The following PTPRD variants were observed in gnomAD, a reference collection of about 807,000 sequenced individuals.
The protein encoded by PTPRD is protein tyrosine phosphatase receptor type D.
In PTPRD, 34 loss-of-function variants were observed where a neutral mutation model predicts 214.5. That is an observed-to-expected ratio of 0.16 (90% CI 0.12 to 0.21). The LOEUF is 0.21. PTPRD is among the 10% of genes least tolerant of loss of function. The pLI, the probability that PTPRD is intolerant of heterozygous loss-of-function variation, is 1.00. For missense variants in PTPRD, 2,545 were observed against 2,398.7 expected (o/e 1.06, Z -1.27); for synonymous variants, 1,128 against 845.7 (o/e 1.33, Z -5.79).
intron 12 of PTPRD, among the ~76,000 whole-genome samples, chr9:8,686,255 T>C (rs2097678782): frequency 6.6e-6 from 1 of 152,192 alleles, no homozygotes; most frequent in Non-Finnish European, 1.5e-5. Context: ...GACCAATTAA[T>C]TTGGAGGCAA....
intron 3 of PTPRD, among the ~76,000 whole-genome samples, chr9:10,330,606 A>G (rs1455880326): frequency 6.6e-6 from 1 of 151,742 alleles, no homozygotes; most frequent in East Asian, 2.0e-4. Context: ...CTGGAACTAC[A>G]TTTTCCATAA....
At chr9:8,682,262 C>T (rs913359268) in intron 12 of PTPRD, among the ~76,000 whole-genome samples, 4 of 152,046 alleles carry the variant, frequency 2.6e-5, no homozygotes, top group African/African-American at 9.7e-5. Flanking sequence ...TTTATTAAAC[C>T]TCTTCAATGA....
intron 10 of PTPRD, among the ~76,000 whole-genome samples, chr9:9,070,286 T>G (rs1483709408): frequency 6.6e-6 from 1 of 152,182 alleles, no homozygotes; most frequent in African/African-American, 2.4e-5. Flanking sequence ...ACAAAGCCAG[T>G]TTTACATAAG....
At position 8,780,668 on chromosome 9, in the gene PTPRD, C is replaced by T. The variant is rs565949318; in HGVS notation, c.-103-46722G>A. On this transcript the variant is annotated intron_variant, in intron 11 of 45. Transcript: ENST00000381196. The stretch of plus-strand genomic sequence containing the variant: ...AGTAGAATGAAAAACTAGACTCAGG[C>T]AAGGCCTGAGAATCTACCTCATGTG... Among the ~76,000 whole-genome samples the T allele has an allele frequency of 2.0e-5, 3 of 152,310 alleles. No individual in the cohort carries two copies. In the East Asian group the frequency reaches 5.8e-4, roughly 29 times the overall value.
chr9:9,033,496 A>G (rs427223), intron 10 of PTPRD, among the ~76,000 whole-genome samples: 48,623 of 151,748 alleles, frequency 0.32, 8,313 homozygotes, highest in Non-Finnish European at 0.37. Flanking sequence ...ACATACAAAT[A>G]TTAAATGCAA....
chr9:9,607,762 A>T (rs2094259899), intron 7 of PTPRD, among the ~76,000 whole-genome samples: 1 of 148,102 alleles, frequency 6.8e-6, no homozygotes, highest in Admixed American at 6.8e-5. Flanking sequence ...AAAAAAAAAA[A>T]TTCATTGGCA....
chr9:8,827,678 T>A (rs1391979000), intron 11 of PTPRD, among the ~76,000 whole-genome samples: 2 of 152,128 alleles, frequency 1.3e-5, no homozygotes, highest in Non-Finnish European at 2.9e-5. Flanking sequence ...CATAAAGTAA[T>A]CAGCTCATCA....
At chr9:9,058,054 T>C (rs1172302707) in intron 10 of PTPRD, among the ~76,000 whole-genome samples, 1 of 152,180 alleles carries the variant, frequency 6.6e-6, no homozygotes, top group East Asian at 1.9e-4. Flanking sequence ...AATGAGATTA[T>C]AGGAAAAAAT....
chr9:9,561,881 G>A (rs1445783191), intron 8 of PTPRD, among the ~76,000 whole-genome samples: 1 of 152,078 alleles, frequency 6.6e-6, no homozygotes, highest in Non-Finnish European at 1.5e-5. Context: ...CTCAGACTTA[G>A]ACATTTTCTC....
At chr9:9,108,194 T>C (rs1316516634) in intron 10 of PTPRD, among the ~76,000 whole-genome samples, 1 of 152,154 alleles carries the variant, frequency 6.6e-6, no homozygotes, top group Non-Finnish European at 1.5e-5. Flanking sequence ...TTTACGTTTG[T>C]CTGTATGAAT....
intron 14 of PTPRD, among the ~76,000 whole-genome samples, chr9:8,587,553 T>C (rs1420732694): frequency 1.3e-5 from 2 of 152,334 alleles, no homozygotes; most frequent in Non-Finnish European, 1.5e-5. Context: ...ACCTTCTATA[T>C]AATATTCCTT....
At chr9:9,716,805 G>T (rs2097843653) in intron 7 of PTPRD, among the ~76,000 whole-genome samples, 1 of 151,714 alleles carries the variant, frequency 6.6e-6, no homozygotes, top group Admixed American at 6.6e-5. Flanking sequence ...TAGGTTGCCT[G>T]TTCACTTTGA....
intron 5 of PTPRD, among the ~76,000 whole-genome samples, chr9:9,784,707 G>C (rs2098903930): frequency 6.6e-6 from 1 of 151,672 alleles, no homozygotes; most frequent in African/African-American, 2.4e-5. Flanking sequence ...AAAATCTGAA[G>C]TGAAGTCCAG....
intron 12 of PTPRD, among the ~76,000 whole-genome samples, chr9:8,643,786 G>A (rs1213118980): frequency 6.6e-6 from 1 of 152,212 alleles, no homozygotes; most frequent in Non-Finnish European, 1.5e-5. Context: ...GAAGCCAAGT[G>A]GGGAGCTGAG....
At chr9:10,406,100 T>C (rs1357478516) in intron 2 of PTPRD, among the ~76,000 whole-genome samples, 5 of 151,346 alleles carry the variant, frequency 3.3e-5, no homozygotes, top group African/African-American at 9.7e-5. Context: ...AAATTACTGA[T>C]GTTACTAGCT....
chr9:10,568,221 G>A (rs906816643), intron 2 of PTPRD, among the ~76,000 whole-genome samples: 1 of 150,990 alleles, frequency 6.6e-6, no homozygotes, highest in African/African-American at 2.4e-5. Context: ...GCGGTGTTTG[G>A]TTTTTTGTCC....
At chr9:8,893,532 A>G (rs953193615) in intron 11 of PTPRD, among the ~76,000 whole-genome samples, 1 of 152,190 alleles carries the variant, frequency 6.6e-6, no homozygotes, top group Non-Finnish European at 1.5e-5. Flanking sequence ...AAGCAAACAA[A>G]TAGCAATCTG....
chr9:8,872,874 C>A (rs1387075410), intron 11 of PTPRD, among the ~76,000 whole-genome samples: 1 of 152,096 alleles, frequency 6.6e-6, no homozygotes, highest in Non-Finnish European at 1.5e-5. Context: ...CCCAAACAAT[C>A]CCTGGCAACC....
intron 10 of PTPRD, among the ~76,000 whole-genome samples, chr9:9,060,083 T>C (rs1411610807): frequency 6.6e-6 from 1 of 152,220 alleles, no homozygotes; most frequent in Admixed American, 6.5e-5. Flanking sequence ...TTGCAAATGC[T>C]AAGAATAGCT....
Sources: allele counts gnomAD v4.1 joint callset (sites outside exome capture counted in the v4.1 genomes callset), GRCh38; gene constraint gnomAD v4.1.1; transcripts MANE v1.5; gene names NCBI Gene and HGNC (gene_info 2026-07-23, HGNC 2026-07-21).